RBM20: variants seen among roughly 807,000 people sequenced by gnomAD.
RBM20 encodes the protein RNA binding motif protein 20.
RBM20 carries 51 observed loss-of-function variants against 110.1 expected under a neutral mutation model. That is an observed-to-expected ratio of 0.46 (90% CI 0.37 to 0.59). The LOEUF is 0.59. RBM20 is among the 20% of genes least tolerant of loss of function. The pLI is 0.00. For synonymous variants in RBM20, 589 were observed against 618.2 expected (o/e 0.95, Z 0.70); for missense variants, 1,512 against 1,574.9 (o/e 0.96, Z 0.68).
At chr10:110,830,601 T>C (rs538097362) in intron 12 of RBM20, among the ~76,000 whole-genome samples, 13 of 152,060 alleles carry the variant, frequency 8.5e-5, no homozygotes, top group Non-Finnish European at 1.9e-4. Context: ...TTACTTTTTT[T>C]TCTGTAAAGA....
At chr10:110,784,220 TG>T in intron 3 of RBM20, 120 bp from the exon 4 acceptor site, 1 of 687,660 alleles carries the variant, frequency 1.5e-6, no homozygotes, top group Non-Finnish European at 2.6e-6. Flanking sequence ...GGACAGTTTT[TG>T]TTTGAACACC....
At chr10:110,684,012 C>T (rs573705879) in intron 1 of RBM20, among the ~76,000 whole-genome samples, 105 of 152,168 alleles carry the variant, frequency 6.9e-4, no homozygotes, top group African/African-American at 2.2e-3. Flanking sequence ...TATTTTGGGG[C>T]GGCGGGAGAT....
At chr10:110,835,164 G>A (rs1455911555) in intron 13 of RBM20, 1 of 151,966 alleles carries the variant, frequency 6.6e-6, no homozygotes, top group African/African-American at 2.4e-5. Flanking sequence ...GCATAGATAT[G>A]TTGCCTAGAG....
chr10:110,734,728 G>A (rs1325504049), intron 1 of RBM20, among the ~76,000 whole-genome samples: 1 of 151,390 alleles, frequency 6.6e-6, no homozygotes, highest in Non-Finnish European at 1.5e-5. Flanking sequence ...GTAAAATAGG[G>A]CTCCTGACTC....
intron 11 of RBM20, among the ~76,000 whole-genome samples, chr10:110,822,890 C>T (rs1844932694): frequency 6.6e-6 from 1 of 152,098 alleles, no homozygotes; most frequent in African/African-American, 2.4e-5. Flanking sequence ...GCTAGAGAAA[C>T]CGTGAGGCCC....
chr10:110,694,199 C>T (rs758758515), intron 1 of RBM20, among the ~76,000 whole-genome samples: 1 of 152,164 alleles, frequency 6.6e-6, no homozygotes, highest in Non-Finnish European at 1.5e-5. Flanking sequence ...AACACAGAAG[C>T]GCACAAAGCA....
rs79101300 is a variant in RBM20 at position 110,694,551 on chromosome 10, G to A, written c.191+49906G>A. 4.7e-3 allele frequency among the ~76,000 whole-genome samples: 720 copies of A among 152,258 alleles called. 10 individuals are homozygous for A. Among genetic ancestry groups the A allele is most frequent in the African/African-American group, 0.016 (680 of 41,536 alleles). On this transcript the variant is annotated intron_variant, in intron 1 of 13. Coordinates refer to ENST00000369519, the MANE Select transcript of RBM20 (RefSeq NM_001134363.3). ...CCACAGAAGAAAATATAGCAAAATG[G>A]GAATCTAACCATTTCATTGGAACAG...
intron 1 of RBM20, among the ~76,000 whole-genome samples, chr10:110,769,222 A>G (rs1844151658): frequency 6.6e-6 from 1 of 152,140 alleles, no homozygotes; most frequent in Non-Finnish European, 1.5e-5. Flanking sequence ...CAAGTTTGAG[A>G]TCTAGTGATA....
intron 1 of RBM20, among the ~76,000 whole-genome samples, chr10:110,724,769 G>T (rs1464255489): frequency 1.3e-5 from 2 of 152,144 alleles, no homozygotes; most frequent in Non-Finnish European, 2.9e-5. Flanking sequence ...GGCAAGGAAG[G>T]CAGGATCACC....
In RBM20 at chr10:110,677,328, T is replaced by C. The variant is rs982190168; in HGVS notation, c.191+32683T>C. On this transcript the variant is annotated intron_variant, in intron 1 of 13. Transcript: ENST00000369519. ...GCCCTATCTTTTTTTCTTTTTTCTT[T>C]TTTTTTTTGAGACACAGTCTAGCTC... is the stretch of plus-strand genomic sequence containing the variant. Among the ~76,000 whole-genome samples the C allele has an allele frequency of 5.1e-4, 10 of 19,722 alleles. No individual in the cohort carries two copies. In the Admixed American group the frequency reaches 7.2e-3, roughly 14 times the overall value. 12.9% of individuals were successfully genotyped at this position (19,722 alleles called of 152,430 possible).
intron 1 of RBM20, among the ~76,000 whole-genome samples, chr10:110,655,454 A>G (rs1862008770): frequency 6.6e-6 from 1 of 152,190 alleles, no homozygotes; most frequent in Non-Finnish European, 1.5e-5. Flanking sequence ...ATAAACACTT[A>G]TAATCCTCTC....
chr10:110,785,265 G>T (rs1844406636), intron 5 of RBM20, among the ~76,000 whole-genome samples: 1 of 152,106 alleles, frequency 6.6e-6, no homozygotes, highest in Non-Finnish European at 1.5e-5. Context: ...TGGCTTTTGA[G>T]GTCTAGACCC....
At chr10:110,746,851 A>C (rs1239826123) in intron 1 of RBM20, among the ~76,000 whole-genome samples, 1 of 152,236 alleles carries the variant, frequency 6.6e-6, no homozygotes, top group African/African-American at 2.4e-5. Context: ...GTTTGTAATA[A>C]AAAAATTGTT....
intron 7 of RBM20, among the ~76,000 whole-genome samples, chr10:110,805,553 C>G (rs933336713): frequency 1.3e-5 from 2 of 152,240 alleles, no homozygotes; most frequent in African/African-American, 4.8e-5. Context: ...CGGGTGTAGC[C>G]TGCCATGCCC....
intron 1 of RBM20, among the ~76,000 whole-genome samples, chr10:110,666,011 GA>G (rs1862171106): frequency 2.7e-5 from 4 of 150,790 alleles, no homozygotes; most frequent in Non-Finnish European, 5.9e-5. Context: ...GAGAGAGAGA[GA>G]GAGAGGGGAA....
At position 110,838,303 on chromosome 10, in the gene RBM20, G is replaced by A. The variant is rs956836374; in HGVS notation, c.*2325G>A. 2.0e-5 allele frequency: 3 copies of A among 152,156 alleles called. No homozygotes were observed. Among genetic ancestry groups the A allele is most frequent in the Non-Finnish European group, 2.9e-5 (2 of 68,034 alleles). 9.4% of individuals were successfully genotyped at this position (152,156 alleles called of 1,614,324 possible). A position where few individuals can be genotyped will look rare whatever the true frequency, so the allele number is the denominator to read the frequency against. The stretch of plus-strand genomic sequence containing the variant: ...TTGTTGTAATTTTATCTTTTGAGAA[G>A]ACCATATGGGGGCTGCTGAAAAGTT... On this transcript the variant is annotated 3_prime_UTR_variant, in exon 14 of 14. Coordinates refer to ENST00000369519, the MANE Select transcript of RBM20 (RefSeq NM_001134363.3).
intron 7 of RBM20, among the ~76,000 whole-genome samples, chr10:110,800,897 T>C (rs1001692543): frequency 6.6e-5 from 10 of 152,244 alleles, no homozygotes; most frequent in Non-Finnish European, 1.2e-4. Flanking sequence ...TGTATGGCTA[T>C]ACAGTTTATC....
chr10:110,773,863 T>A (rs1276478227), intron 1 of RBM20, among the ~76,000 whole-genome samples: 1 of 152,186 alleles, frequency 6.6e-6, no homozygotes, highest in Non-Finnish European at 1.5e-5. Flanking sequence ...CTCTGCCTGA[T>A]AAGCGACGTA....
intron 1 of RBM20, among the ~76,000 whole-genome samples, chr10:110,770,062 A>G (rs1035361857): frequency 2.6e-5 from 4 of 152,026 alleles, no homozygotes; most frequent in African/African-American, 9.7e-5. Context: ...TTTTCAAAAT[A>G]CTCTAGTACA....
Sources: allele counts gnomAD v4.1 joint callset (sites outside exome capture counted in the v4.1 genomes callset), GRCh38; gene constraint gnomAD v4.1.1; transcripts MANE v1.5; gene names NCBI Gene and HGNC (gene_info 2026-07-23, HGNC 2026-07-21).